The following CORO2A variants were observed in gnomAD, a reference collection of about 807,000 sequenced individuals.
CORO2A encodes the protein coronin 2A.
A neutral mutation model predicts 62.4 loss-of-function variants in CORO2A; 47 were observed. That is an observed-to-expected ratio of 0.75 (90% CI 0.60 to 0.96). CORO2A has a LOEUF of 0.96. CORO2A is among the 40% of genes least tolerant of loss of function. The pLI is 0.00. For missense variants in CORO2A, 610 were observed against 684.1 expected, an observed-to-expected ratio of 0.89 and a Z score of 1.21; for synonymous variants, 273 against 268.9, an observed-to-expected ratio of 1.02 and a Z score of -0.15.
At chr9:98,154,352 T>TATATATATATATATATATATAC (rs71369555) in intron 2 of CORO2A, among the ~76,000 whole-genome samples, 3,284 of 90,422 alleles carry the variant, frequency 0.036, 120 homozygotes, top group East Asian at 0.064. Context: ...TATATATATA[T>TATATATATATATATATATATAC]ACACAAATAC....
At chr9:98,162,552 C>T (rs370538042) in intron 1 of CORO2A, among the ~76,000 whole-genome samples, 22 of 152,280 alleles carry the variant, frequency 1.4e-4, no homozygotes, top group African/African-American at 3.6e-4. Flanking sequence ...GTGGGGCAGC[C>T]GCTAGCAAGG....
chr9:98,175,448 G>A (rs780894655), intron 1 of CORO2A, among the ~76,000 whole-genome samples: 1 of 152,194 alleles, frequency 6.6e-6, no homozygotes, highest in South Asian at 2.1e-4. Context: ...GCCCTGCTCT[G>A]TGCAGGGAGG....
At chr9:98,125,001 C>A in intron 11 of CORO2A, 96 bp from the exon 12 acceptor site, 1 of 1,431,896 alleles carries the variant, frequency 7.0e-7, no homozygotes. Context: ...AAGGTGGAGG[C>A]GGTCACATTA....
At chr9:98,155,016 G>A (rs7022366) in intron 2 of CORO2A, among the ~76,000 whole-genome samples, 7,741 of 152,220 alleles carry the variant, frequency 0.051, 611 homozygotes, top group African/African-American at 0.17. Context: ...CAAAACAGGT[G>A]TGCCAGTTTA....
chr9:98,155,342 ATTTTTTTTTT>A (rs11379239), intron 2 of CORO2A, among the ~76,000 whole-genome samples: 1 of 101,862 alleles, frequency 9.8e-6, no homozygotes, highest in African/African-American at 3.9e-5. Flanking sequence ...TTATTGCTCA[ATTTTTTTTTT>A]TTTTTTTTTT....
chr9:98,187,002 A>G (rs1386347936), intron 1 of CORO2A, among the ~76,000 whole-genome samples: 2 of 152,150 alleles, frequency 1.3e-5, no homozygotes, highest in Admixed American at 6.6e-5. Context: ...TGCTTTGGCC[A>G]GGCGCGGTGG....
chr9:98,158,861 C>CA (rs1166275608), intron 1 of CORO2A, among the ~76,000 whole-genome samples: 2 of 131,718 alleles, frequency 1.5e-5, no homozygotes, highest in Non-Finnish European at 3.4e-5. Context: ...ACACACACAC[C>CA]ATGTATATTG....
At chr9:98,191,811 C>T (rs946435151) in intron 1 of CORO2A, among the ~76,000 whole-genome samples, 3 of 152,240 alleles carry the variant, frequency 2.0e-5, no homozygotes, top group Admixed American at 6.5e-5. Context: ...GTCACACCAG[C>T]TAGTGTGTGT....
intron 2 of CORO2A, among the ~76,000 whole-genome samples, chr9:98,143,427 G>A (rs910361815): frequency 7.2e-5 from 11 of 152,160 alleles, no homozygotes; most frequent in African/African-American, 2.4e-4. Flanking sequence ...AGGCAGGGGT[G>A]GCAGGACGGG....
rs779851447 is a variant in CORO2A, at chr9:98,128,743, A to G, written c.968-24T>C. 6.2e-6 allele frequency: 10 copies of G among 1,604,578 alleles called. No homozygotes were observed. In the South Asian group the frequency reaches 1.1e-4, roughly 18 times the overall value. On this transcript the variant is annotated intron_variant, in intron 8 of 11. Coordinates refer to ENST00000375077, the MANE Select transcript of CORO2A (RefSeq NM_052820.4). Reference sequence around the variant, plus strand: ...ACCTGAAGGCAGACAGGGAGGGCCAAGAGGTTCTGGCTAGGCTGGGGCCAC... The same window carrying G: ...ACCTGAAGGCAGACAGGGAGGGCCAGGAGGTTCTGGCTAGGCTGGGGCCAC...
chr9:98,133,203 G>A lies in CORO2A; in HGVS notation c.483C>T (p.Asn161=). 6.2e-7 allele frequency: 1 copy of A among 1,614,212 alleles called. No homozygotes were observed. Among genetic ancestry groups the A allele is most frequent in the Non-Finnish European group, 8.5e-7 (1 of 1,180,022 alleles). ...TGATGACAGACTCCTTTGTATCCAG[G>A]TTCCAGATCATCACCTGCATGGCAG... ...AGYDYKVMIW[N]LDTKESVITS... The change falls in exon 5 of 12, where the codon AAC becomes AAT. Residue 161 remains asparagine, a synonymous_variant. Coordinates refer to ENST00000375077, the MANE Select transcript of CORO2A (RefSeq NM_052820.4).
chr9:98,175,571 G>GCC (rs1828096923), intron 1 of CORO2A, among the ~76,000 whole-genome samples: 1 of 152,200 alleles, frequency 6.6e-6, no homozygotes, highest in Non-Finnish European at 1.5e-5. Flanking sequence ...CCATTAAATG[G>GCC]GCATGGGCAT....
intron 1 of CORO2A, among the ~76,000 whole-genome samples, chr9:98,180,494 T>C (rs1828163728): frequency 6.6e-6 from 1 of 152,114 alleles, no homozygotes; most frequent in Admixed American, 6.6e-5. Flanking sequence ...GAGAGTCACT[T>C]CTGAGCTACG....
rs577350060 is a variant in CORO2A at position 98,190,355 on chromosome 9, T to C, written c.-1+2204A>G. Among the ~76,000 whole-genome samples, 12 of 152,248 alleles carry C rather than the reference T, an allele frequency of 7.9e-5. No individual in the cohort carries two copies. The East Asian group carries it at 1.7e-3, about 22-fold the overall frequency. Reference sequence around the variant, plus strand: ...AAATTAAATGCCACAGGCGAATCCCTATAGCCTTGCCAGCACAGAGTTTCA... The same window carrying C: ...AAATTAAATGCCACAGGCGAATCCCCATAGCCTTGCCAGCACAGAGTTTCA... On this transcript the variant is annotated intron_variant, in intron 1 of 11. Transcript: ENST00000375077.
chr9:98,162,755 C>T (rs886125536), intron 1 of CORO2A, among the ~76,000 whole-genome samples: 5 of 152,210 alleles, frequency 3.3e-5, no homozygotes, highest in African/African-American at 9.6e-5. Flanking sequence ...TTAACTGAGG[C>T]TGTGTATATA....
intron 2 of CORO2A, among the ~76,000 whole-genome samples, chr9:98,156,284 C>G (rs1827801956): frequency 6.6e-6 from 1 of 152,180 alleles, no homozygotes; most frequent in South Asian, 2.1e-4. Flanking sequence ...AAGTAATCCT[C>G]TGGCCTTGGC....
chr9:98,163,926 T>C (rs1052244030), intron 1 of CORO2A, among the ~76,000 whole-genome samples: 1 of 152,214 alleles, frequency 6.6e-6, no homozygotes, highest in Non-Finnish European at 1.5e-5. Context: ...TATTCATTAA[T>C]TGTACTGTTT....
intron 2 of CORO2A, among the ~76,000 whole-genome samples, chr9:98,154,695 G>A (rs750091425): frequency 5.9e-5 from 9 of 152,146 alleles, no homozygotes; most frequent in Non-Finnish European, 1.3e-4. Context: ...TTAATTAAAT[G>A]ATATAGTTTA....
intron 1 of CORO2A, among the ~76,000 whole-genome samples, chr9:98,185,953 C>A (rs1588017527): frequency 6.6e-6 from 1 of 152,216 alleles, no homozygotes; most frequent in East Asian, 1.9e-4. Flanking sequence ...AGGGGACCTG[C>A]AGTGTGGGCA....
Sources: allele counts gnomAD v4.1 joint callset (sites outside exome capture counted in the v4.1 genomes callset), GRCh38; gene constraint gnomAD v4.1.1; transcripts MANE v1.5; gene names NCBI Gene and HGNC (gene_info 2026-07-23, HGNC 2026-07-21).